Variants in NEGR1 observed in about 807,000 individuals in gnomAD.
NEGR1 encodes IgLON family member 4.
NEGR1 carries 10 observed loss-of-function variants against 40.9 expected under a neutral mutation model. The observed-to-expected ratio is 0.24, with a 90% CI of 0.15 to 0.42. NEGR1 has a LOEUF of 0.42. NEGR1 is among the 10% of genes least tolerant of loss of function. NEGR1 has a pLI of 1.00. For synonymous variants in NEGR1, 185 were observed against 166.8 expected (o/e 1.11, Z -0.84); for missense variants, 352 against 438.9 (o/e 0.80, Z 1.77).
At chr1:71,909,178 T>C (rs1049767648) in intron 2 of NEGR1, among the ~76,000 whole-genome samples, 3 of 152,188 alleles carry the variant, frequency 2.0e-5, no homozygotes, top group Admixed American at 1.3e-4. Flanking sequence ...AAGATGCAAT[T>C]GTCTATTTAC....
intron 6 of NEGR1, among the ~76,000 whole-genome samples, chr1:71,473,027 A>T (rs191951017): frequency 6.6e-6 from 1 of 152,134 alleles, no homozygotes; most frequent in Non-Finnish European, 1.5e-5. Flanking sequence ...ATGTATCTGA[A>T]TATATGTGTA....
intron 1 of NEGR1, among the ~76,000 whole-genome samples, chr1:72,036,793 A>G (rs1399267666): frequency 1.3e-5 from 2 of 152,192 alleles, no homozygotes; most frequent in Middle Eastern, 3.4e-3. Flanking sequence ...TACATATAGA[A>G]AAAAAGGACA....
At chr1:71,873,118 CAAAAAA>C (rs34592789) in intron 2 of NEGR1, among the ~76,000 whole-genome samples, 65 of 81,846 alleles carry the variant, frequency 7.9e-4, no homozygotes, top group Non-Finnish European at 1.3e-3. Context: ...AAAGATGTAG[CAAAAAA>C]AAAAAAAAAA....
intron 1 of NEGR1, among the ~76,000 whole-genome samples, chr1:71,991,591 C>G (rs1463280555): frequency 6.6e-6 from 1 of 152,148 alleles, no homozygotes; most frequent in Non-Finnish European, 1.5e-5. Flanking sequence ...TCTCTGCACT[C>G]TCATACAACT....
chr1:71,909,084 A>G (rs1380546114), intron 2 of NEGR1, among the ~76,000 whole-genome samples: 1 of 152,186 alleles, frequency 6.6e-6, no homozygotes, highest in Non-Finnish European at 1.5e-5. Flanking sequence ...AGATACTTGA[A>G]GAACTCCCTT....
chr1:71,968,602 A>G (rs1038436807), intron 1 of NEGR1, among the ~76,000 whole-genome samples: 4 of 152,194 alleles, frequency 2.6e-5, no homozygotes, highest in African/African-American at 9.7e-5. Context: ...AGGAAGAGAG[A>G]TTTAACATAT....
intron 1 of NEGR1, among the ~76,000 whole-genome samples, chr1:72,119,667 T>C (rs915916911): frequency 2.6e-5 from 4 of 151,902 alleles, no homozygotes; most frequent in African/African-American, 7.2e-5. Context: ...CATGAGGCAT[T>C]TGGACATGTC....
chr1:71,640,903 A>C (rs1235829505), intron 4 of NEGR1, among the ~76,000 whole-genome samples: 1 of 152,032 alleles, frequency 6.6e-6, no homozygotes, highest in Non-Finnish European at 1.5e-5. Flanking sequence ...CTGTTGAGTA[A>C]GAACTCAACA....
rs537785246 is a variant in NEGR1 at position 71,806,726 on chromosome 1, A to T, written c.410-30429T>A. Among the ~76,000 whole-genome samples, 46 of 152,234 alleles carry T rather than the reference A, an allele frequency of 3.0e-4. 2 individuals carry two copies. In the South Asian group the frequency reaches 8.7e-3, roughly 29 times the overall value. The stretch of plus-strand genomic sequence containing the variant: ...AATCTTATTCTAATAAAAATTTAAA[A>T]AGTGGGTAGTTAATCTCCCCAAGTG... On this transcript the variant is annotated intron_variant, in intron 2 of 6. Coordinates refer to ENST00000357731, the MANE Select transcript of NEGR1 (RefSeq NM_173808.3).
Position 72,158,039 on chromosome 1 carries a change from A to G in NEGR1, c.176+124280T>C, listed in dbSNP as rs558776021. Among the ~76,000 whole-genome samples the G allele has an allele frequency of 3.3e-4, 50 of 152,260 alleles. No individual in the cohort carries two copies. The East Asian group carries it at 7.2e-3, about 22-fold the overall frequency. On this transcript the variant is annotated intron_variant, in intron 1 of 6. Transcript: ENST00000357731. ...ATAGAGCCAGGGACTCCCTAAAGCT[A>G]TAATACAGGTCTATATGGGAAAAAG...
intron 1 of NEGR1, among the ~76,000 whole-genome samples, chr1:72,146,584 T>C (rs1403269152): frequency 1.3e-5 from 2 of 152,096 alleles, no homozygotes; most frequent in African/African-American, 4.8e-5. Flanking sequence ...TTTAATATTG[T>C]GTAAAATTAT....
intron 1 of NEGR1, among the ~76,000 whole-genome samples, chr1:71,960,584 G>A (rs931556826): frequency 5.3e-5 from 8 of 152,092 alleles, no homozygotes; most frequent in Non-Finnish European, 8.8e-5. Context: ...AATGGCCAGA[G>A]CAGAGTTTCA....
chr1:71,633,808 C>G (rs916186605), intron 4 of NEGR1, among the ~76,000 whole-genome samples: 4 of 152,038 alleles, frequency 2.6e-5, no homozygotes, highest in African/African-American at 9.7e-5. Flanking sequence ...CTCAGTGTCT[C>G]CCTGGAGGAA....
intron 6 of NEGR1, among the ~76,000 whole-genome samples, chr1:71,508,378 C>T (rs577539841): frequency 3.3e-5 from 5 of 152,048 alleles, no homozygotes; most frequent in African/African-American, 1.2e-4. Context: ...CTGAGGAACC[C>T]CTAAAGTTAA....
chr1:71,836,439 CA>C (rs1189435283), intron 2 of NEGR1, among the ~76,000 whole-genome samples: 1 of 138,696 alleles, frequency 7.2e-6, no homozygotes, highest in Admixed American at 7.6e-5. Flanking sequence ...AAAAAAAAAA[CA>C]AAAAAACAAA....
chr1:71,739,980 A>G (rs1655163550), intron 3 of NEGR1, among the ~76,000 whole-genome samples: 1 of 152,182 alleles, frequency 6.6e-6, no homozygotes, highest in African/African-American at 2.4e-5. Context: ...TCCACTCCAG[A>G]CATTCTTCTC....
chr1:72,095,729 T>G (rs1648673229), intron 1 of NEGR1, among the ~76,000 whole-genome samples: 3 of 152,128 alleles, frequency 2.0e-5, no homozygotes, highest in Admixed American at 2.0e-4. Context: ...ATGTAAGTAT[T>G]TGATAAACTA....
intron 1 of NEGR1, among the ~76,000 whole-genome samples, chr1:71,944,501 C>T (rs567431938): frequency 2.9e-4 from 44 of 152,184 alleles, no homozygotes; most frequent in African/African-American, 7.5e-4. Flanking sequence ...TTCCATCAGC[C>T]ATCTTTGTGT....
intron 6 of NEGR1, among the ~76,000 whole-genome samples, chr1:71,495,729 A>C (rs1646958839): frequency 6.6e-6 from 1 of 152,174 alleles, no homozygotes; most frequent in African/African-American, 2.4e-5. Context: ...GAAGACAATA[A>C]AAGAAGGAGA....
Sources: gnomAD v4.1 joint callset for allele counts (sites outside exome capture counted in the v4.1 genomes callset) on GRCh38, gnomAD v4.1.1 for gene constraint, MANE v1.5 for transcripts, NCBI Gene and HGNC (gene_info 2026-07-23, HGNC 2026-07-21) for gene names.